Variants in SCN1A observed in about 807,000 individuals in gnomAD.
The protein encoded by SCN1A is sodium channel protein type 1 subunit alpha.
In SCN1A, 13 loss-of-function variants were observed where a neutral mutation model predicts 193.7. The observed-to-expected ratio is 0.07, with a 90% confidence interval of 0.04 to 0.11. SCN1A has a LOEUF of 0.11. Ranked by LOEUF, SCN1A falls within the 10% of genes least tolerant of loss-of-function variation. SCN1A has a pLI of 1.00. For synonymous variants in SCN1A, 781 were observed against 843.6 expected (o/e 0.93, Z 1.29); for missense variants, 1,432 against 2,451.1 (o/e 0.58, Z 8.78).
chr2:166,082,725 A>C (rs1230729664), intron 2 of SCN1A, among the ~76,000 whole-genome samples: 1 of 152,058 alleles, frequency 6.6e-6, no homozygotes, highest in South Asian at 2.1e-4. Flanking sequence ...TGAGCAGATG[A>C]CTTTATATAA....
intron 2 of SCN1A, among the ~76,000 whole-genome samples, chr2:166,102,626 G>T (rs1688232415): frequency 6.6e-6 from 1 of 152,032 alleles, no homozygotes; most frequent in African/African-American, 2.4e-5. Flanking sequence ...AGCCACTGTG[G>T]AAGGCAGTTT....
chr2:166,084,423 A>T (rs2106037934), intron 2 of SCN1A, among the ~76,000 whole-genome samples: 1 of 152,160 alleles, frequency 6.6e-6, no homozygotes. Context: ...GCTCTCTCAG[A>T]CAATGCAGGT....
At chr2:166,141,276 C>T (rs1692069522) in intron 1 of SCN1A, among the ~76,000 whole-genome samples, 1 of 151,426 alleles carries the variant, frequency 6.6e-6, no homozygotes, top group Admixed American at 6.6e-5. Flanking sequence ...TCTCTTCCCT[C>T]AGGCCCAGTC....
intron 2 of SCN1A, among the ~76,000 whole-genome samples, chr2:166,092,025 TAA>T (rs1686864726): frequency 6.6e-6 from 1 of 152,186 alleles, no homozygotes; most frequent in Non-Finnish European, 1.5e-5. Flanking sequence ...CATGTAGCCA[TAA>T]AACAACTGTT....
chr2:166,068,929 G>T (rs1574347998), intron 4 of SCN1A, among the ~76,000 whole-genome samples: 1 of 152,074 alleles, frequency 6.6e-6, no homozygotes, highest in South Asian at 2.1e-4. Context: ...TTCTTCCATG[G>T]TAATAATGAT....
rs1693323461 is a variant in SCN1A at position 166,016,506 on chromosome 2, T to C, written c.3430-779A>G. The C allele has an allele frequency of 2.0e-5, 3 of 151,990 alleles. No homozygotes were observed. In the South Asian group the frequency reaches 6.2e-4, roughly 31 times the overall value. The allele number at this position is 151,990 out of a possible 1,614,324, so 9.4% of individuals were successfully genotyped here. On this transcript the variant is annotated intron_variant, in intron 19 of 28. Transcript: ENST00000674923. ...AACAATATCCTTCATATTTTGACAA[T>C]AGTGATGGGATGCACATTTCTCTTT...
chr2:166,058,786 T>G, intron 4 of SCN1A, 98 bp from the exon 5 acceptor site: 1 of 767,072 alleles, frequency 1.3e-6, no homozygotes, highest in South Asian at 1.5e-5. Flanking sequence ...TATTGTAAAG[T>G]TAAATGAGAA....
At chr2:166,046,496 T>A (rs1490527430) in intron 12 of SCN1A, among the ~76,000 whole-genome samples, 2 of 152,128 alleles carry the variant, frequency 1.3e-5, no homozygotes, top group African/African-American at 4.8e-5. Context: ...TGAATAAAAG[T>A]CTCTCACTTG....
chr2:166,130,308 G>C (rs181274154), upstream of SCN1A, among the ~76,000 whole-genome samples: 39 of 152,218 alleles, frequency 2.6e-4, no homozygotes, highest in Middle Eastern at 6.8e-3. Flanking sequence ...TATATGCCAG[G>C]CACTTTTCCA....
chr2:166,013,898 C>A lies in SCN1A; in HGVS notation c.3551G>T (p.Gly1184Val). The change falls in exon 21 of 29, where the codon GGC (glycine) becomes GTC (valine). Residue 1184 changes from glycine (G) to valine (V), a missense_variant and splice_region_variant. This residue lies in a region of SCN1A where 198 missense variants were observed against 225.8 expected (regional missense o/e 0.88). Coordinates refer to ENST00000674923, the MANE Select transcript of SCN1A (RefSeq NM_001165963.4). ...ACAACACTTGAATCTTTGTACACAG[C>A]CTGCAGAAAGTGTTGAAATAAAAGT... is the stretch of plus-strand genomic sequence containing the variant. ...TLEPEACFTE[G>V]CVQRFKCCQI... 6.2e-7 allele frequency: 1 copy of A among 1,611,058 alleles called. No individual in the cohort carries two copies. The highest frequency in any genetic ancestry group is 8.5e-7 in the Non-Finnish European group (1 of 1,178,266).
At chr2:166,012,044 G>T in intron 22 of SCN1A, 65 bp downstream of exon 22, 1 of 1,439,836 alleles carries the variant, frequency 6.9e-7, no homozygotes, top group Non-Finnish European at 9.8e-7. Flanking sequence ...ACTCACTATT[G>T]TAGAATTTGA....
intron 9 of SCN1A, among the ~76,000 whole-genome samples, chr2:166,049,798 A>G (rs13403426): frequency 0.48 from 73,530 of 151,788 alleles, 18,464 homozygotes; most frequent in East Asian, 0.56. Context: ...TTATTTACAA[A>G]TATTCCTCCT....
chr2:166,022,204 A>G (rs1694166857), intron 19 of SCN1A, among the ~76,000 whole-genome samples: 2 of 152,194 alleles, frequency 1.3e-5, no homozygotes, highest in South Asian at 4.1e-4. Flanking sequence ...TGGTGAATAT[A>G]GGGGAAATTA....
rs186789016 is a variant in SCN1A at position 166,135,579 on chromosome 2, A to G, written c.-50+13468T>C. 7.2e-4 allele frequency among the ~76,000 whole-genome samples: 110 copies of G among 152,288 alleles called. 1 individual carries two copies. Among genetic ancestry groups the G allele is most frequent in the African/African-American group, 2.2e-3 (91 of 41,556 alleles). On this transcript the variant is annotated intron_variant, in intron 1 of 26. Transcript: ENST00000635750. ...ATGCAGTTCCAATCTTCGGATATCAATTTACAAACTCACATAAATTACATT... is the reference window on the plus strand; with the variant it reads ...ATGCAGTTCCAATCTTCGGATATCAGTTTACAAACTCACATAAATTACATT...
chr2:166,103,117 C>A (rs986150623), intron 2 of SCN1A, among the ~76,000 whole-genome samples: 8 of 151,976 alleles, frequency 5.3e-5, no homozygotes, highest in African/African-American at 1.9e-4. Context: ...AGCAGACAGT[C>A]TGTTAGGCCA....
At position 166,041,286 on chromosome 2, in the gene SCN1A, A is replaced by G. The variant is rs773695263; in HGVS notation, c.2360T>C (p.Met787Thr). 1 of 1,614,066 alleles carries G rather than the reference A, an allele frequency of 6.2e-7. No homozygotes were observed. Among genetic ancestry groups the G allele is most frequent in the Non-Finnish European group, 8.5e-7 (1 of 1,179,936 alleles). ...ATGGTCCGTCATTGGATAGTGCTCC[A>G]TGGCCATGAAAAGAGTATTTAAGAC... ...CIVLNTLFMAMEHYPMTDHFN... is the reference protein window; with the variant it reads ...CIVLNTLFMATEHYPMTDHFN... Residue 787 changes from methionine to threonine, a missense_variant, in exon 16 of 29, where the codon ATG (methionine) becomes ACG (threonine). Physicochemically the swap from Met to Thr is moderately conservative, Grantham distance 81. This residue lies in a region of SCN1A where 93 missense variants were observed against 260.4 expected (regional missense o/e 0.36). Coordinates refer to ENST00000674923, the MANE Select transcript of SCN1A (RefSeq NM_001165963.4).
chr2:166,093,956 CT>C (rs1687101317), intron 2 of SCN1A, among the ~76,000 whole-genome samples: 1 of 152,140 alleles, frequency 6.6e-6, no homozygotes, highest in Non-Finnish European at 1.5e-5. Flanking sequence ...ATTAGAAACA[CT>C]TATGACCCCA....
intron 1 of SCN1A, among the ~76,000 whole-genome samples, chr2:166,146,301 A>G (rs2106310166): frequency 6.6e-6 from 1 of 152,358 alleles, no homozygotes; most frequent in Non-Finnish European, 1.5e-5. Flanking sequence ...AACAGGTCCC[A>G]CCTTATACCT....
At chr2:166,044,087 A>G in intron 13 of SCN1A, 38 bp from the exon 14 acceptor site, 1 of 1,610,276 alleles carries the variant, frequency 6.2e-7, no homozygotes, top group Non-Finnish European at 8.5e-7. Flanking sequence ...AAGTCATATT[A>G]ATATGGACAT....
Sources: allele counts gnomAD v4.1 joint callset (sites outside exome capture counted in the v4.1 genomes callset), GRCh38; gene constraint gnomAD v4.1.1; regional missense constraint gnomAD v4.1.1; transcripts MANE v1.5; gene names NCBI Gene and HGNC (gene_info 2026-07-23, HGNC 2026-07-21).